The following SYT1 variants were observed in gnomAD, a reference collection of about 807,000 sequenced individuals.
SYT1 encodes synaptotagmin 1, also known as synaptotagmin-1.
In SYT1, 8 loss-of-function variants were observed where a neutral mutation model predicts 44.8. That is an observed-to-expected ratio of 0.18 (90% CI 0.10 to 0.32). The LOEUF is 0.32. SYT1 is among the 10% of genes least tolerant of loss of function. The probability of loss-of-function intolerance (pLI) is 1.00; values close to 1 mark genes in which losing one functional copy is unlikely to be tolerated. For synonymous variants in SYT1, 154 were observed against 188.8 expected (o/e 0.82, Z 1.51); for missense variants, 286 against 509.3 (o/e 0.56, Z 4.22).
At chr12:79,299,949 A>G (rs908536410) in intron 8 of SYT1, among the ~76,000 whole-genome samples, 9 of 152,170 alleles carry the variant, frequency 5.9e-5, no homozygotes, top group African/African-American at 2.2e-4. Context: ...TAGCTATTAC[A>G]CAGAAATAAA....
intron 8 of SYT1, among the ~76,000 whole-genome samples, chr12:79,309,342 A>G (rs1028741660): frequency 1.3e-5 from 2 of 151,968 alleles, no homozygotes; most frequent in African/African-American, 2.4e-5. Flanking sequence ...GGAATCTTGA[A>G]TTCTGACCTC....
At chr12:78,998,741 A>C (rs1870539240) in intron 2 of SYT1, among the ~76,000 whole-genome samples, 1 of 152,136 alleles carries the variant, frequency 6.6e-6, no homozygotes, top group South Asian at 2.1e-4. Flanking sequence ...TTCTCTGCAA[A>C]CTTGGAGTAA....
intron 5 of SYT1, among the ~76,000 whole-genome samples, chr12:79,288,621 T>A (rs1470439615): frequency 6.6e-6 from 1 of 152,220 alleles, no homozygotes; most frequent in Non-Finnish European, 1.5e-5. Flanking sequence ...TATAGACATT[T>A]ATGTTGCATA....
At chr12:79,399,723 G>A (rs1252109957) in intron 9 of SYT1, among the ~76,000 whole-genome samples, 3 of 152,072 alleles carry the variant, frequency 2.0e-5, no homozygotes, top group Non-Finnish European at 4.4e-5. Context: ...TGAATAATCT[G>A]GAGGTCTTGT....
chr12:79,448,862 G>A, intron 10 of SYT1, 56 bp from the exon 11 acceptor site: 7 of 1,531,954 alleles, frequency 4.6e-6, no homozygotes, highest in Non-Finnish European at 6.3e-6. Flanking sequence ...ACGCTTTATA[G>A]TCGGGCCTTA....
chr12:79,158,742 A>G (rs1215008559), intron 3 of SYT1, among the ~76,000 whole-genome samples: 1 of 152,034 alleles, frequency 6.6e-6, no homozygotes, highest in Non-Finnish European at 1.5e-5. Flanking sequence ...TACAAAAAAT[A>G]CAAAAATATC....
intron 2 of SYT1, among the ~76,000 whole-genome samples, chr12:79,012,304 G>C (rs147919742): frequency 2.0e-5 from 3 of 152,078 alleles, no homozygotes; most frequent in Non-Finnish European, 2.9e-5. Context: ...TGGTAACTGA[G>C]AACTCTGAAG....
At chr12:79,176,249 C>A (rs1342486435) in intron 3 of SYT1, among the ~76,000 whole-genome samples, 1 of 148,200 alleles carries the variant, frequency 6.7e-6, no homozygotes, top group African/African-American at 2.5e-5. Flanking sequence ...AAGATCACTC[C>A]ATTCACTCCA....
chr12:79,044,120 T>A (rs1170836249), intron 2 of SYT1, among the ~76,000 whole-genome samples: 3 of 152,046 alleles, frequency 2.0e-5, no homozygotes, highest in African/African-American at 7.3e-5. Flanking sequence ...GTTGCTCTTC[T>A]CGAGGAGTAT....
chr12:79,349,655 C>T (rs1292112390), intron 8 of SYT1, among the ~76,000 whole-genome samples: 1 of 152,152 alleles, frequency 6.6e-6, no homozygotes, highest in African/African-American at 2.4e-5. Context: ...AAGGATATGA[C>T]TTGGGTATCT....
chr12:78,900,097 A>T (rs1875580090), intron 1 of SYT1, among the ~76,000 whole-genome samples: 1 of 152,126 alleles, frequency 6.6e-6, no homozygotes, highest in African/African-American at 2.4e-5. Context: ...TTGCTATTAA[A>T]TGTGTAAGTG....
intron 3 of SYT1, among the ~76,000 whole-genome samples, chr12:79,176,900 C>G (rs1221660335): frequency 6.6e-6 from 1 of 151,944 alleles, no homozygotes; most frequent in Admixed American, 6.6e-5. Flanking sequence ...AAATACTTTC[C>G]TGTATAACCA....
chr12:78,950,308 G>A (rs11112027), intron 1 of SYT1, among the ~76,000 whole-genome samples: 43,035 of 151,758 alleles, frequency 0.28, 6,870 homozygotes, highest in East Asian at 0.52. Flanking sequence ...TAATTCAATT[G>A]AATAATCCTT....
At chr12:79,363,566 A>AT (rs1254235723) in intron 9 of SYT1, among the ~76,000 whole-genome samples, 2 of 145,360 alleles carry the variant, frequency 1.4e-5, no homozygotes, top group African/African-American at 5.4e-5. Context: ...TCTCTACAAA[A>AT]AAAATTAAAA....
chr12:79,053,007 G>A (rs1874634157), intron 3 of SYT1, among the ~76,000 whole-genome samples: 1 of 152,108 alleles, frequency 6.6e-6, no homozygotes, highest in African/African-American at 2.4e-5. Flanking sequence ...CCATTACTGG[G>A]TATACACCCA....
intron 1 of SYT1, among the ~76,000 whole-genome samples, chr12:78,874,505 C>T (rs575462587): frequency 5.9e-5 from 9 of 151,442 alleles, no homozygotes; most frequent in Non-Finnish European, 1.2e-4. Context: ...AAGATAGTTC[C>T]CCAGGAATGA....
chr12:79,286,715 C>T (rs1328855900), intron 5 of SYT1, among the ~76,000 whole-genome samples: 2 of 152,082 alleles, frequency 1.3e-5, no homozygotes, highest in African/African-American at 2.4e-5. Flanking sequence ...ATTAATTGGA[C>T]AACTTGGTTC....
chr12:79,261,917 T>G (rs1251539436), intron 4 of SYT1, among the ~76,000 whole-genome samples: 2 of 152,190 alleles, frequency 1.3e-5, no homozygotes, highest in Admixed American at 6.5e-5. Flanking sequence ...ATTAATGTTT[T>G]ATTATTTTAC....
At chr12:79,440,851 C>T (rs1167208965) in intron 9 of SYT1, among the ~76,000 whole-genome samples, 1 of 152,060 alleles carries the variant, frequency 6.6e-6, no homozygotes, top group East Asian at 1.9e-4. Context: ...AGAACTCAAC[C>T]AGTAGCTGAG....
Sources: allele counts gnomAD v4.1 joint callset (sites outside exome capture counted in the v4.1 genomes callset), GRCh38; gene constraint gnomAD v4.1.1; transcripts MANE v1.5; gene names NCBI Gene and HGNC (gene_info 2026-07-23, HGNC 2026-07-21).